PCDHA3: variants seen among roughly 807,000 people sequenced by gnomAD.
PCDHA3 encodes protocadherin alpha-3.
PCDHA3 carries 41 observed loss-of-function variants against 62.2 expected under a neutral mutation model. The ratio of observed to expected loss-of-function variants is 0.66; its 90% CI spans 0.51 to 0.86. The LOEUF (loss-of-function observed/expected upper bound fraction) is 0.86, where lower values mean the gene tolerates loss of function less well. PCDHA3 is among the 40% of genes least tolerant of loss of function. PCDHA3 has a pLI of 0.00. For synonymous variants in PCDHA3, 640 were observed against 555.4 expected (o/e 1.15, Z -2.14); for missense variants, 1,304 against 1,241.2 (o/e 1.05, Z -0.76).
At chr5:140,829,777 G>A (rs2150174439) in intron 1 of PCDHA3, 2 of 1,613,742 alleles carry the variant, frequency 1.2e-6, no homozygotes, top group Non-Finnish European at 8.5e-7. Flanking sequence ...ACGACAACGC[G>A]CCGGCGCTGC....
At chr5:140,916,163 C>G (rs546851152) in intron 1 of PCDHA3, among the ~76,000 whole-genome samples, 1 of 152,066 alleles carries the variant, frequency 6.6e-6, no homozygotes, top group African/African-American at 2.4e-5. Context: ...TGAATGCTGC[C>G]AGGCCTGGGA....
At chr5:140,976,011 C>A (rs983997714) in intron 1 of PCDHA3, among the ~76,000 whole-genome samples, 10 of 152,230 alleles carry the variant, frequency 6.6e-5, no homozygotes, top group Admixed American at 1.3e-4. Flanking sequence ...TATTAAAGAA[C>A]TAAATAATCA....
intron 1 of PCDHA3, chr5:140,851,667 T>C (rs628871): frequency 0.26 from 235,964 of 911,074 alleles, 43,172 homozygotes; most frequent in South Asian, 0.31. Context: ...TCCTTTTAAT[T>C]GAAATTTTCT....
At chr5:140,815,439 C>T (rs1765726626) in intron 1 of PCDHA3, 1 of 152,064 alleles carries the variant, frequency 6.6e-6, no homozygotes, top group Non-Finnish European at 1.5e-5. Context: ...AGCATCTTTA[C>T]TACAATCACA....
rs782148992 is a variant in PCDHA3 at position 140,809,135 on chromosome 5, C to T, written c.2394+5544C>T. ...CGCTCCGCGCCACCGCCTACTGGTA[C>T]TGGTGAAGGACCACGGCGAGCCCGC... On this transcript the variant is annotated intron_variant, in intron 1 of 3. Coordinates refer to ENST00000522353, the MANE Select transcript of PCDHA3 (RefSeq NM_018906.3). 24 of 1,613,884 alleles carry T rather than the reference C, an allele frequency of 1.5e-5. No homozygotes were observed. In the Middle Eastern group the frequency reaches 4.9e-4, roughly 33 times the overall value.
chr5:140,817,403 G>A (rs543583260), intron 1 of PCDHA3: 1 of 152,224 alleles, frequency 6.6e-6, no homozygotes, highest in Admixed American at 6.5e-5. Context: ...TCCTTGTATT[G>A]TTGTTGAGTT....
At chr5:140,820,722 A>G (rs2150107758) in intron 1 of PCDHA3, among the ~76,000 whole-genome samples, 15 of 152,090 alleles carry the variant, frequency 9.9e-5, no homozygotes, top group Non-Finnish European at 1.9e-4. Flanking sequence ...ATTTACTGGA[A>G]CCTAAACATT....
At chr5:140,943,650 C>A (rs2093540673) in intron 1 of PCDHA3, among the ~76,000 whole-genome samples, 1 of 151,974 alleles carries the variant, frequency 6.6e-6, no homozygotes, top group African/African-American at 2.4e-5. Flanking sequence ...ATAAAACCAT[C>A]TATGAACAAT....
chr5:140,852,883 G>GT, intron 1 of PCDHA3: 1 of 933,168 alleles, frequency 1.1e-6, no homozygotes, highest in Non-Finnish European at 1.3e-6. Context: ...ATCATAAAAC[G>GT]TATTTTTTTT....
chr5:140,893,384 G>T (rs2063960240), intron 1 of PCDHA3, among the ~76,000 whole-genome samples: 1 of 152,168 alleles, frequency 6.6e-6, no homozygotes, highest in South Asian at 2.1e-4. Flanking sequence ...ATGGGACAGT[G>T]GCTCATGCCT....
intron 1 of PCDHA3, chr5:140,882,226 G>A (rs778262653): frequency 1.3e-6 from 2 of 1,564,150 alleles, no homozygotes; most frequent in Non-Finnish European, 1.7e-6. Context: ...GAGGTAAGGC[G>A]TTGTATATAT....
intron 1 of PCDHA3, chr5:140,803,910 C>G: frequency 2.0e-6 from 1 of 508,782 alleles, no homozygotes; most frequent in South Asian, 2.5e-5. Flanking sequence ...GAGAATCTGA[C>G]TTCGACTTGT....
chr5:140,811,842 G>A (rs1385551513), intron 1 of PCDHA3: 1 of 152,136 alleles, frequency 6.6e-6, no homozygotes, highest in Non-Finnish European at 1.5e-5. Context: ...CTTTTTGATA[G>A]GGTTTTTTGT....
chr5:140,939,499 A>G (rs1467638389), intron 1 of PCDHA3, among the ~76,000 whole-genome samples: 1 of 152,234 alleles, frequency 6.6e-6, no homozygotes, highest in African/African-American at 2.4e-5. Flanking sequence ...TATAAATTCA[A>G]TGTCTATAAC....
At chr5:140,980,475 C>G (rs538255137) in intron 2 of PCDHA3, among the ~76,000 whole-genome samples, 10 of 152,148 alleles carry the variant, frequency 6.6e-5, no homozygotes, top group African/African-American at 2.2e-4. Context: ...ACTAAAAATA[C>G]AAAAATTAGC....
chr5:140,852,121 TA>T, intron 1 of PCDHA3: 1 of 901,518 alleles, frequency 1.1e-6, no homozygotes, highest in Non-Finnish European at 1.4e-6. Context: ...ATGACCTAAT[TA>T]AAAACTCAGT....
intron 1 of PCDHA3, chr5:140,828,882 T>C (rs1187191951): frequency 3.7e-6 from 6 of 1,614,110 alleles, no homozygotes; most frequent in Non-Finnish European, 5.1e-6. Context: ...GTTATCAGAC[T>C]GAATGCTTCT....
chr5:140,861,527 G>C (rs1554154863), intron 1 of PCDHA3: 3 of 454,914 alleles, frequency 6.6e-6, no homozygotes, highest in Non-Finnish European at 1.4e-5. Context: ...GGAGGATCTC[G>C]GAGTGCAGCA....
chr5:140,973,666 A>G (rs531003588), intron 1 of PCDHA3, among the ~76,000 whole-genome samples: 8 of 152,322 alleles, frequency 5.3e-5, no homozygotes, highest in African/African-American at 1.9e-4. Flanking sequence ...TATTTATTGT[A>G]GCTTGAATGT....
Sources: gnomAD v4.1 joint callset for allele counts (sites outside exome capture counted in the v4.1 genomes callset) on GRCh38, gnomAD v4.1.1 for gene constraint, MANE v1.5 for transcripts, NCBI Gene and HGNC (gene_info 2026-07-23, HGNC 2026-07-21) for gene names.